SCFD2: variants seen among roughly 807,000 people sequenced by gnomAD.
SCFD2 encodes sec1 family domain-containing protein 2.
In SCFD2, 54 loss-of-function variants were observed where a neutral mutation model predicts 58.9. The ratio of observed to expected loss-of-function variants is 0.92; its 90% CI spans 0.74 to 1.15. SCFD2 has a LOEUF of 1.15. Among genes scored for constraint, SCFD2 ranks in the 50% most tolerant of loss-of-function variants. SCFD2 has a pLI of 0.00. For missense variants in SCFD2, 805 were observed against 836.6 expected, an observed-to-expected ratio of 0.96 and a Z score of 0.47; for synonymous variants, 321 against 335.9, an observed-to-expected ratio of 0.96 and a Z score of 0.49.
chr4:52,895,942 TG>T (rs1402098556), intron 7 of SCFD2, among the ~76,000 whole-genome samples: 1 of 152,256 alleles, frequency 6.6e-6, no homozygotes, highest in African/African-American at 2.4e-5. Context: ...ATGTGTTTTT[TG>T]GCTGCATAAA....
chr4:53,216,361 T>C (rs942056072), intron 4 of SCFD2, among the ~76,000 whole-genome samples: 7 of 152,198 alleles, frequency 4.6e-5, no homozygotes, highest in Non-Finnish European at 8.8e-5. Context: ...AACTTCTTCC[T>C]GGTTTAGTCT....
chr4:52,956,625 TAAGAAGG>T, intron 5 of SCFD2: 1 of 185,660 alleles, frequency 5.4e-6, no homozygotes, highest in Non-Finnish European at 1.1e-5. Context: ...GCTTCATGAT[TAAGAAGG>T]AATGCTCTTC....
chr4:53,241,659 A>G (rs1729897808), intron 4 of SCFD2, among the ~76,000 whole-genome samples: 1 of 152,204 alleles, frequency 6.6e-6, no homozygotes, highest in Admixed American at 6.5e-5. Context: ...ACATGTGTGC[A>G]CAGGCAAACC....
chr4:52,993,257 G>A (rs935447496), intron 5 of SCFD2, among the ~76,000 whole-genome samples: 3 of 151,618 alleles, frequency 2.0e-5, no homozygotes, highest in Non-Finnish European at 4.4e-5. Context: ...CAAACACTGC[G>A]GAAGGCCGCA....
At chr4:53,315,254 A>G (rs1438664624) in intron 2 of SCFD2, among the ~76,000 whole-genome samples, 1 of 151,922 alleles carries the variant, frequency 6.6e-6, no homozygotes, top group Non-Finnish European at 1.5e-5. Context: ...GGCAAAAAAA[A>G]AAAAAAAAAG....
intron 5 of SCFD2, among the ~76,000 whole-genome samples, chr4:53,034,506 T>C (rs1722706772): frequency 6.6e-6 from 1 of 152,174 alleles, no homozygotes; most frequent in African/African-American, 2.4e-5. Flanking sequence ...ATAAAGAGTA[T>C]TCAAATAGGA....
chr4:52,887,896 CTTTTTT>C (rs71195133), intron 7 of SCFD2, among the ~76,000 whole-genome samples: 1 of 81,668 alleles, frequency 1.2e-5, no homozygotes, highest in Non-Finnish European at 2.2e-5. Context: ...ACATCTTATT[CTTTTTT>C]TTTTTTTTTT....
chr4:53,033,956 CA>C (rs1327554389), intron 5 of SCFD2, among the ~76,000 whole-genome samples: 2 of 152,194 alleles, frequency 1.3e-5, no homozygotes, highest in East Asian at 3.8e-4. Flanking sequence ...CTCCCTAACT[CA>C]TTTTATGAGG....
At chr4:53,074,293 T>C (rs1253970550) in intron 5 of SCFD2, among the ~76,000 whole-genome samples, 1 of 152,226 alleles carries the variant, frequency 6.6e-6, no homozygotes, top group African/African-American at 2.4e-5. Flanking sequence ...CTTCAGGCTC[T>C]GCTTCTAATT....
intron 4 of SCFD2, among the ~76,000 whole-genome samples, chr4:53,228,325 A>G (rs1324020414): frequency 6.6e-6 from 1 of 152,146 alleles, no homozygotes; most frequent in Non-Finnish European, 1.5e-5. Context: ...GTTTCTGGCA[A>G]GATTGATACA....
intron 5 of SCFD2, among the ~76,000 whole-genome samples, chr4:53,117,118 AC>A (rs889568498): frequency 2.6e-5 from 4 of 152,186 alleles, no homozygotes; most frequent in African/African-American, 9.7e-5. Context: ...TGGAACTGAA[AC>A]CATGGAAACT....
At chr4:52,972,625 A>C (rs2109554032) in intron 5 of SCFD2, among the ~76,000 whole-genome samples, 1 of 152,270 alleles carries the variant, frequency 6.6e-6, no homozygotes, top group Admixed American at 6.5e-5. Context: ...GAAAATTAAC[A>C]AGGATATCCA....
At chr4:53,251,179 C>G (rs1730360529) in intron 4 of SCFD2, among the ~76,000 whole-genome samples, 1 of 152,096 alleles carries the variant, frequency 6.6e-6, no homozygotes, top group South Asian at 2.1e-4. Context: ...CAAGACTAAA[C>G]CAGGAAGAAG....
At chr4:53,229,607 T>C (rs1220485647) in intron 4 of SCFD2, among the ~76,000 whole-genome samples, 2 of 152,160 alleles carry the variant, frequency 1.3e-5, no homozygotes, top group African/African-American at 4.8e-5. Flanking sequence ...TTACACCTTA[T>C]ACAAAAATTA....
At chr4:53,331,340 T>A (rs1577975184) in intron 2 of SCFD2, among the ~76,000 whole-genome samples, 1 of 151,918 alleles carries the variant, frequency 6.6e-6, no homozygotes, top group African/African-American at 2.4e-5. Context: ...GACCACATAC[T>A]TGGAAGTAAA....
intron 2 of SCFD2, among the ~76,000 whole-genome samples, chr4:53,339,748 C>G (rs1733804684): frequency 6.6e-6 from 1 of 151,244 alleles, no homozygotes; most frequent in African/African-American, 2.4e-5. Context: ...CCAACCTAGG[C>G]AACAGAGTGA....
At chr4:52,977,955 G>T (rs1721289936) in intron 5 of SCFD2, among the ~76,000 whole-genome samples, 1 of 152,186 alleles carries the variant, frequency 6.6e-6, no homozygotes, top group Non-Finnish European at 1.5e-5. Context: ...GATTGAAAGG[G>T]TAAGATTCAG....
At chr4:53,328,027 C>G (rs928477600) in intron 2 of SCFD2, among the ~76,000 whole-genome samples, 58 of 151,460 alleles carry the variant, frequency 3.8e-4, no homozygotes, top group Non-Finnish European at 7.7e-4. Flanking sequence ...CCCAGCTACT[C>G]GGGAGGCTGA....
chr4:53,213,039 T>A (rs1728673268), intron 4 of SCFD2, among the ~76,000 whole-genome samples: 1 of 152,100 alleles, frequency 6.6e-6, no homozygotes, highest in African/African-American at 2.4e-5. Context: ...GAAACACTAC[T>A]GTAATAATGA....
Sources: gnomAD v4.1 joint callset for allele counts (sites outside exome capture counted in the v4.1 genomes callset) on GRCh38, gnomAD v4.1.1 for gene constraint, MANE v1.5 for transcripts, NCBI Gene and HGNC (gene_info 2026-07-23, HGNC 2026-07-21) for gene names.